The following MTAP variants were observed in gnomAD, a reference collection of about 807,000 sequenced individuals.
MTAP encodes the protein S-methyl-5'-thioadenosine phosphorylase.
In MTAP, 33 loss-of-function variants were observed where a neutral mutation model predicts 33.6. The ratio of observed to expected loss-of-function variants is 0.98; its 90% confidence interval spans 0.74 to 1.31. MTAP has a LOEUF of 1.31. Ranked by LOEUF, MTAP falls within the 40% of genes most tolerant of loss-of-function variation. MTAP has a pLI of 0.00. For missense variants in MTAP, 367 were observed against 360.0 expected (o/e 1.02, Z -0.16); for synonymous variants, 148 against 125.7 (o/e 1.18, Z -1.19).
At chr9:21,884,815 G>T (rs546306941) in intron 1 of MTAP, among the ~76,000 whole-genome samples, 1 of 152,240 alleles carries the variant, frequency 6.6e-6, no homozygotes, top group African/African-American at 2.4e-5. Context: ...TGGGGAGACA[G>T]AAACCATGTA....
chr9:21,842,002 A>G (rs747686460), intron 5 of MTAP, among the ~76,000 whole-genome samples: 6 of 152,230 alleles, frequency 3.9e-5, no homozygotes, highest in Non-Finnish European at 5.9e-5. Context: ...AGAGAAAGGT[A>G]AAAACCAGCA....
chr9:21,834,980 A>G (rs1376086645), intron 4 of MTAP, among the ~76,000 whole-genome samples: 4 of 152,140 alleles, frequency 2.6e-5, no homozygotes, highest in African/African-American at 9.7e-5. Flanking sequence ...AGGTTGATAC[A>G]ACGGAATACC....
chr9:21,831,765 G>A (rs1587225306), intron 4 of MTAP, among the ~76,000 whole-genome samples: 2 of 150,706 alleles, frequency 1.3e-5, no homozygotes, highest in South Asian at 4.2e-4. Flanking sequence ...TTCTTTATCA[G>A]GAATGTTTTG....
chr9:21,825,459 T>G (rs1052831660), intron 4 of MTAP, among the ~76,000 whole-genome samples: 1 of 152,236 alleles, frequency 6.6e-6, no homozygotes, highest in African/African-American at 2.4e-5. Context: ...AATGGCTGTA[T>G]TAATTTATAT....
At chr9:21,923,923 T>C (rs1818827355) in intron 1 of MTAP, among the ~76,000 whole-genome samples, 1 of 152,102 alleles carries the variant, frequency 6.6e-6, no homozygotes, top group Non-Finnish European at 1.5e-5. Context: ...AGAGACAAAG[T>C]ACCCATAGGA....
chr9:21,844,779 A>T (rs1271241228), intron 5 of MTAP, among the ~76,000 whole-genome samples: 1 of 152,212 alleles, frequency 6.6e-6, no homozygotes, highest in African/African-American at 2.4e-5. Flanking sequence ...TCACACCTGT[A>T]ATCCCAGCAC....
chr9:21,816,477 A>C (rs994712130), intron 2 of MTAP, among the ~76,000 whole-genome samples: 1 of 152,196 alleles, frequency 6.6e-6, no homozygotes, highest in Non-Finnish European at 1.5e-5. Context: ...AATAGATCTG[A>C]CTAAATGGTA....
At position 21,880,794 on chromosome 9, in the gene MTAP, C is replaced by T. The variant is rs1349994153; in HGVS notation, c.147+25924C>T. Reference sequence around the variant, plus strand: ...AATGGAAAGACATTTTATGTTCATACACTGGAAGACTTAATATTGTTAAGA... The same window carrying T: ...AATGGAAAGACATTTTATGTTCATATACTGGAAGACTTAATATTGTTAAGA... On this transcript the variant is annotated intron_variant, in intron 1 of 1. Transcript: ENST00000577563. Among the ~76,000 whole-genome samples the T allele has an allele frequency of 2.6e-5, 4 of 151,994 alleles. 1 individual carries two copies. Among genetic ancestry groups the T allele is most frequent in the Non-Finnish European group, 5.9e-5 (4 of 67,958 alleles).
chr9:21,825,930 A>G (rs953737191), intron 4 of MTAP, among the ~76,000 whole-genome samples: 1 of 147,710 alleles, frequency 6.8e-6, no homozygotes, highest in Non-Finnish European at 1.5e-5. Flanking sequence ...TTGTCCATTT[A>G]TGTGTCTTCT....
intron 1 of MTAP, among the ~76,000 whole-genome samples, chr9:21,805,332 G>C (rs1157496853): frequency 2.6e-5 from 4 of 152,222 alleles, no homozygotes; most frequent in Admixed American, 2.6e-4. Context: ...CCATCTACTG[G>C]TGGAATCCTA....
chr9:21,859,496 C>T, intron 7 of MTAP, 71 bp downstream of exon 7: 1 of 1,499,542 alleles, frequency 6.7e-7, no homozygotes, highest in East Asian at 2.4e-5. Context: ...ACTTGCATTT[C>T]ACCTTTGGTC....
At chr9:21,925,922 A>C (rs2131040105) in intron 1 of MTAP, among the ~76,000 whole-genome samples, 1 of 152,310 alleles carries the variant, frequency 6.6e-6, no homozygotes, top group South Asian at 2.1e-4. Context: ...GGTGCCCATA[A>C]CCCAAAGGTT....
At position 21,864,782 on chromosome 9, in the gene MTAP, G is replaced by A. The variant is rs1261130358; in HGVS notation, c.*2768G>A. 1 of 985,348 alleles carries A rather than the reference G, an allele frequency of 1.0e-6. No homozygotes were observed. Among genetic ancestry groups the A allele is most frequent in the East Asian group, 1.1e-4 (1 of 8,822 alleles). The allele number at this position is 985,348 out of a possible 1,614,324, so 61.0% of individuals were successfully genotyped here. A position where few individuals can be genotyped will look rare whatever the true frequency, so the allele number is the denominator to read the frequency against. ...ACTAAGGTGACCTCCAACCTGCCCTGAGCCAGCTGCCCTGCAGGTGCCACG... is the reference window on the plus strand; with the variant it reads ...ACTAAGGTGACCTCCAACCTGCCCTAAGCCAGCTGCCCTGCAGGTGCCACG... On this transcript the variant is annotated 3_prime_UTR_variant, in exon 8 of 8. Coordinates refer to ENST00000644715, the MANE Select transcript of MTAP (RefSeq NM_002451.4).
chr9:21,887,874 GT>G (rs1428047420), intron 1 of MTAP, among the ~76,000 whole-genome samples: 2 of 151,732 alleles, frequency 1.3e-5, no homozygotes, highest in Admixed American at 6.6e-5. Flanking sequence ...TAAGTTTTGT[GT>G]GGGGGGGTTG....
chr9:21,886,508 C>T (rs62556506), intron 1 of MTAP, among the ~76,000 whole-genome samples: 30,797 of 151,966 alleles, frequency 0.2, 3,576 homozygotes, highest in East Asian at 0.35. Flanking sequence ...TTGGGTTCTT[C>T]GTCATGAACT....
At chr9:21,812,218 G>T in intron 1 of MTAP, 1 of 219,286 alleles carries the variant, frequency 4.6e-6, no homozygotes, top group South Asian at 7.7e-5. Context: ...GCATTGAGTT[G>T]GCCAGGGAAA....
At chr9:21,836,288 T>C (rs1057254834) in intron 4 of MTAP, among the ~76,000 whole-genome samples, 1 of 152,020 alleles carries the variant, frequency 6.6e-6, no homozygotes, top group African/African-American at 2.4e-5. Context: ...TGAGAGGAAA[T>C]TAAGACTGTA....
chr9:21,811,450 A>T (rs777837811), intron 1 of MTAP, among the ~76,000 whole-genome samples: 6 of 151,274 alleles, frequency 4.0e-5, no homozygotes, highest in African/African-American at 1.2e-4. Flanking sequence ...GAACAAAAAA[A>T]TTTTTTTTTT....
chr9:21,916,120 G>GAAGGAAGGA (rs1397028813), intron 1 of MTAP, among the ~76,000 whole-genome samples: 62 of 142,156 alleles, frequency 4.4e-4, no homozygotes, highest in African/African-American at 1.7e-3. Flanking sequence ...AGGAAGGAAG[G>GAAGGAAGGA]AGGGAGGGAA....
Sources: allele counts gnomAD v4.1 joint callset (sites outside exome capture counted in the v4.1 genomes callset), GRCh38; gene constraint gnomAD v4.1.1; transcripts MANE v1.5; gene names NCBI Gene and HGNC (gene_info 2026-07-23, HGNC 2026-07-21).